ROBO2: variants seen among roughly 807,000 people sequenced by gnomAD.
ROBO2 encodes roundabout guidance receptor 2, also known as roundabout homolog 2.
A neutral mutation model predicts 160.8 loss-of-function variants in ROBO2; 53 were observed. The ratio of observed to expected loss-of-function variants is 0.33; its 90% CI spans 0.26 to 0.41. ROBO2 has a LOEUF of 0.41. Ranked by LOEUF, ROBO2 falls within the 10% of genes least tolerant of loss-of-function variation. The probability of loss-of-function intolerance (pLI) is 1.00; values close to 1 mark genes in which losing one functional copy is unlikely to be tolerated. For synonymous variants in ROBO2, 664 were observed against 611.7 expected, an observed-to-expected ratio of 1.09 and a Z score of -1.26; for missense variants, 1,577 against 1,722.4, an observed-to-expected ratio of 0.92 and a Z score of 1.49.
chr3:76,864,354 CTGGAATATTAGT>C (rs1219076588), intron 2 of ROBO2, among the ~76,000 whole-genome samples: 1 of 152,040 alleles, frequency 6.6e-6, no homozygotes, highest in African/African-American at 2.4e-5. Context: ...TCATCTTGTT[CTGGAATATTAGT>C]TAAGCTACCA....
chr3:76,839,536 T>C (rs5745843), intron 2 of ROBO2, among the ~76,000 whole-genome samples: 31 of 152,332 alleles, frequency 2.0e-4, no homozygotes, highest in Non-Finnish European at 3.8e-4. Flanking sequence ...TGATAAATGA[T>C]CTTTTTAGTG....
intron 2 of ROBO2, among the ~76,000 whole-genome samples, chr3:77,347,894 A>G (rs1196810169): frequency 2.0e-5 from 3 of 151,956 alleles, no homozygotes; most frequent in Non-Finnish European, 4.4e-5. Context: ...CTCATTTTCT[A>G]TCTTAAAGTA....
chr3:75,925,400 A>G (rs979623433), intron 1 of ROBO2, among the ~76,000 whole-genome samples: 11 of 152,104 alleles, frequency 7.2e-5, no homozygotes, highest in South Asian at 6.2e-4. Flanking sequence ...CATTCAATAA[A>G]TAGATAAATA....
At chr3:77,099,546 A>G (rs2071614910) in intron 2 of ROBO2, among the ~76,000 whole-genome samples, 1 of 152,170 alleles carries the variant, frequency 6.6e-6, no homozygotes, top group Admixed American at 6.5e-5. Flanking sequence ...GCCACCAAAT[A>G]GTTTTATTTT....
intron 2 of ROBO2, among the ~76,000 whole-genome samples, chr3:76,732,312 AG>A (rs1327698654): frequency 6.6e-6 from 1 of 152,200 alleles, no homozygotes; most frequent in Non-Finnish European, 1.5e-5. Flanking sequence ...GATAAATTGA[AG>A]TACATTTTGA....
chr3:77,287,509 C>G (rs949251090), intron 2 of ROBO2, among the ~76,000 whole-genome samples: 6 of 152,116 alleles, frequency 3.9e-5, no homozygotes, highest in Non-Finnish European at 5.9e-5. Flanking sequence ...AATTTATTTT[C>G]CTTCCTCAAA....
intron 2 of ROBO2, among the ~76,000 whole-genome samples, chr3:76,924,340 C>A (rs905562069): frequency 1.3e-5 from 2 of 152,054 alleles, no homozygotes; most frequent in South Asian, 2.1e-4. Flanking sequence ...TTATTATTTT[C>A]TTTATAAATG....
chr3:77,118,525 CA>C (rs2074423447), intron 2 of ROBO2, among the ~76,000 whole-genome samples: 1 of 152,130 alleles, frequency 6.6e-6, no homozygotes, highest in African/African-American at 2.4e-5. Flanking sequence ...ATGTTTTACA[CA>C]GTTATTTTAA....
intron 2 of ROBO2, among the ~76,000 whole-genome samples, chr3:76,619,046 A>G (rs1378325299): frequency 6.6e-6 from 1 of 151,648 alleles, no homozygotes; most frequent in African/African-American, 2.4e-5. Context: ...GAGAAAAAGG[A>G]AAGAAAAAAA....
At chr3:77,392,689 C>T (rs2074862666) in intron 2 of ROBO2, among the ~76,000 whole-genome samples, 1 of 152,140 alleles carries the variant, frequency 6.6e-6, no homozygotes, top group African/African-American at 2.4e-5. Flanking sequence ...ATGAGTCTGA[C>T]CTAATCCTGC....
At chr3:77,539,217 G>T (rs946658300) in intron 6 of ROBO2, among the ~76,000 whole-genome samples, 48 of 152,174 alleles carry the variant, frequency 3.2e-4, no homozygotes, top group African/African-American at 1.2e-3. Flanking sequence ...ACCGCCCCCC[G>T]GCCTTTTGCA....
At chr3:76,149,945 A>C (rs71315337) in intron 2 of ROBO2, among the ~76,000 whole-genome samples, 4 of 151,804 alleles carry the variant, frequency 2.6e-5, no homozygotes, top group East Asian at 1.9e-4. Flanking sequence ...TAAAACACAC[A>C]TCTGTCTAAA....
intron 20 of ROBO2, chr3:77,602,972 A>G: frequency 2.2e-6 from 1 of 456,740 alleles, no homozygotes; most frequent in Non-Finnish European, 4.4e-6. Flanking sequence ...TGGCTGAGGG[A>G]TTGTCTAATA....
exon 3 of ROBO2, chr3:77,477,462 C>T: frequency 6.2e-7 from 1 of 1,613,338 alleles, no homozygotes; most frequent in South Asian, 1.1e-5. Context: ...GTAGTGGCAG[C>T]TGGAGAGCCT....
intron 23 of ROBO2, chr3:77,632,797 A>G: frequency 1.5e-6 from 1 of 646,588 alleles, no homozygotes; most frequent in Non-Finnish European, 2.4e-6. Flanking sequence ...TGGATGCTCC[A>G]TTACCCAAAC....
At position 76,622,059 on chromosome 3, in the gene ROBO2, T is replaced by C. The variant is rs574237161; in HGVS notation, c.110-475955T>C. ...CTGACCTTGTATCCTTCTTTGTGAA[T>C]AAGATCTATTCTTGTGGCTCATGTG... is the stretch of plus-strand genomic sequence containing the variant. On this transcript the variant is annotated intron_variant, in intron 2 of 26. Coordinates refer to the ROBO2 transcript ENST00000487694. Among the ~76,000 whole-genome samples, 4 of 139,632 alleles carry C rather than the reference T, an allele frequency of 2.9e-5. No homozygotes were observed. The South Asian group carries it at 9.6e-4, about 34-fold the overall frequency. 91.6% of individuals were successfully genotyped at this position (139,632 alleles called of 152,430 possible). A position where few individuals can be genotyped will look rare whatever the true frequency, so the allele number is the denominator to read the frequency against.
At chr3:76,327,573 A>G (rs993259408) in intron 2 of ROBO2, among the ~76,000 whole-genome samples, 13 of 152,214 alleles carry the variant, frequency 8.5e-5, no homozygotes, top group African/African-American at 3.1e-4. Context: ...TCTTTCGTAT[A>G]TTAGAAGCAG....
chr3:76,658,484 C>T (rs1021982896), intron 2 of ROBO2, among the ~76,000 whole-genome samples: 2 of 152,118 alleles, frequency 1.3e-5, no homozygotes, highest in African/African-American at 4.8e-5. Context: ...TCTCCCTCCC[C>T]TAGCCTCGCA....
At chr3:76,692,429 G>C (rs2092822612) in intron 2 of ROBO2, among the ~76,000 whole-genome samples, 1 of 152,086 alleles carries the variant, frequency 6.6e-6, no homozygotes, top group South Asian at 2.1e-4. Context: ...GACTCCCAAG[G>C]CTTAGTCTGT....
Sources: allele counts gnomAD v4.1 joint callset (sites outside exome capture counted in the v4.1 genomes callset), GRCh38; gene constraint gnomAD v4.1.1; transcripts MANE v1.5; gene names NCBI Gene and HGNC (gene_info 2026-07-23, HGNC 2026-07-21).